CNTFR: variants seen among roughly 807,000 people sequenced by gnomAD.
CNTFR encodes the protein ciliary neurotrophic factor receptor subunit alpha.
CNTFR carries 12 observed loss-of-function variants against 40.4 expected under a neutral mutation model. The ratio of observed to expected loss-of-function variants is 0.30; its 90% CI spans 0.19 to 0.48. CNTFR has a LOEUF of 0.48. Ranked by LOEUF, CNTFR falls within the 20% of genes least tolerant of loss-of-function variation. CNTFR has a pLI of 0.99. For synonymous variants in CNTFR, 202 were observed against 209.6 expected, an observed-to-expected ratio of 0.96 and a Z score of 0.31; for missense variants, 414 against 506.8, an observed-to-expected ratio of 0.82 and a Z score of 1.76.
At chr9:34,582,233 C>A (rs1827327827) in intron 1 of CNTFR, 1 of 149,132 alleles carries the variant, frequency 6.7e-6, no homozygotes, top group Non-Finnish European at 1.5e-5. Flanking sequence ...CAAGATTGAG[C>A]CACTGCACTC....
upstream of CNTFR, among the ~76,000 whole-genome samples, chr9:34,590,475 C>T (rs543359569): frequency 2.0e-5 from 3 of 152,310 alleles, no homozygotes; most frequent in African/African-American, 7.2e-5. Context: ...CCCCCCGCAA[C>T]GACTCCCCTC....
chr9:34,568,978 C>T lies in CNTFR; in HGVS notation c.4G>A (p.Ala2Thr). Reference protein sequence around the residue: MAAPVPWACCAV... With the variant: MTAPVPWACCAV... ...CAGCAGGCCCACGGGACAGGAGCAG[C>T]CATCTGTTGGGAGAAACCGGGGTGG... The change falls in exon 3 of 10, where the codon GCT becomes ACT. Residue 2 changes from alanine to threonine, a missense_variant. Ala to Thr is a moderately conservative substitution (Grantham distance 58). Coordinates refer to ENST00000378980, the MANE Select transcript of CNTFR (RefSeq NM_147164.3). 1 of 1,592,188 alleles carries T rather than the reference C, an allele frequency of 6.3e-7. No homozygotes were observed. Among genetic ancestry groups the T allele is most frequent in the Non-Finnish European group, 8.5e-7 (1 of 1,169,628 alleles).
At chr9:34,569,706 T>C (rs1826492856) in intron 2 of CNTFR, 1 of 152,260 alleles carries the variant, frequency 6.6e-6, no homozygotes, top group East Asian at 1.9e-4. Flanking sequence ...TTTTCCGTAA[T>C]TGTACACCAA....
intron 1 of CNTFR, among the ~76,000 whole-genome samples, chr9:34,588,121 G>A (rs1827618164): frequency 6.6e-6 from 1 of 151,648 alleles, no homozygotes; most frequent in African/African-American, 2.4e-5. Context: ...TGGAGTATCA[G>A]CCCTGACAGT....
Position 34,551,782 on chromosome 9 carries a change from G to A in CNTFR, c.*289C>T. ...CCTCACGTCCCCCAAGGGCTCCTGG[G>A]AGTCGCTGGCATTGGAGGGTCCAGC... On this transcript the variant is annotated 3_prime_UTR_variant, in exon 10 of 10. Coordinates refer to ENST00000378980, the MANE Select transcript of CNTFR (RefSeq NM_147164.3). 1.7e-6 allele frequency: 1 copy of A among 590,406 alleles called. No homozygotes were observed. The highest frequency in any genetic ancestry group is 3.0e-6 in the Non-Finnish European group (1 of 331,006). The allele number at this position is 590,406 out of a possible 1,614,324, so 36.6% of individuals were successfully genotyped here.
rs1451210352 is a variant in CNTFR, at chr9:34,551,751, G to A, written c.*320C>T. On this transcript the variant is annotated 3_prime_UTR_variant, in exon 10 of 10. Transcript: ENST00000378980. ...GCAGGAGGAGAAATCGGATGTGAGA[G>A]GCTCCCCTCACGTCCCCCAAGGGCT... 3.6e-6 allele frequency: 2 copies of A among 552,624 alleles called. No homozygotes were observed. Among genetic ancestry groups the A allele is most frequent in the African/African-American group, 3.8e-5 (2 of 52,672 alleles). The allele number at this position is 552,624 out of a possible 1,614,324, so 34.2% of individuals were successfully genotyped here. A position where few individuals can be genotyped will look rare whatever the true frequency, so the allele number is the denominator to read the frequency against.
chr9:34,573,122 G>A (rs1346105595), intron 2 of CNTFR, among the ~76,000 whole-genome samples: 1 of 128,390 alleles, frequency 7.8e-6, no homozygotes, highest in Admixed American at 8.3e-5. Context: ...CCCAAGAACC[G>A]TCTTGCCAGT....
At position 34,564,848 on chromosome 9, in the gene CNTFR, G is replaced by C. The variant is rs2296940; in HGVS notation, c.86-16C>G. On this transcript the variant is annotated splice_polypyrimidine_tract_variant and intron_variant, in intron 3 of 9. Transcript: ENST00000378980. The stretch of plus-strand genomic sequence containing the variant: ...TGGGGTGCCTCTGTGGGGGGTGGGG[G>C]CACAGGGCAAAAGTCACAGGTCACA... The C allele has an allele frequency of 8.1e-6, 13 of 1,608,928 alleles. No homozygotes were observed. The African/African-American group carries it at 1.6e-4, about 20-fold the overall frequency.
chr9:34,574,059 T>TGTGGGAGGC (rs1463973329), intron 2 of CNTFR, among the ~76,000 whole-genome samples: 1 of 145,240 alleles, frequency 6.9e-6, no homozygotes, highest in African/African-American at 2.6e-5. Context: ...GGCCCCCAGA[T>TGTGGGAGGC]CCCACCAGGC....
chr9:34,561,111 A>C (rs533686337), intron 4 of CNTFR, among the ~76,000 whole-genome samples: 1 of 152,234 alleles, frequency 6.6e-6, no homozygotes, highest in African/African-American at 2.4e-5. Context: ...CTCAAGGCTC[A>C]GGCCTGGCTC....
chr9:34,585,372 T>G (rs1827495836), intron 1 of CNTFR, among the ~76,000 whole-genome samples: 1 of 152,160 alleles, frequency 6.6e-6, no homozygotes, highest in South Asian at 2.1e-4. Flanking sequence ...TAAGGACTCT[T>G]CAGTTTGCTC....
chr9:34,574,094 G>A (rs946714149), intron 2 of CNTFR, among the ~76,000 whole-genome samples: 9 of 152,092 alleles, frequency 5.9e-5, no homozygotes, highest in African/African-American at 1.4e-4. Flanking sequence ...CAGCGTGGGC[G>A]GTGGGGGCGG....
At chr9:34,575,228 C>T (rs1411631411) in intron 2 of CNTFR, among the ~76,000 whole-genome samples, 1 of 152,186 alleles carries the variant, frequency 6.6e-6, no homozygotes, top group Non-Finnish European at 1.5e-5. Flanking sequence ...AACCCCAGTC[C>T]AGTCTCTTCT....
chr9:34,586,137 C>A (rs1827535151), intron 1 of CNTFR, among the ~76,000 whole-genome samples: 1 of 152,172 alleles, frequency 6.6e-6, no homozygotes, highest in African/African-American at 2.4e-5. Context: ...TTCATAGCAG[C>A]AGAGCACGCA....
rs1024639831 is a variant in CNTFR at position 34,564,772 on chromosome 9, G to T, written c.146C>A (p.Ala49Glu). ...GSDVTLPCGT[A>E]NWDAAVTWRV... ...CCACGTCACCGCAGCATCCCAGTTTGCTGTCCCACATGGCAGTGTCACGTC... is the reference window on the plus strand; with the variant it reads ...CCACGTCACCGCAGCATCCCAGTTTTCTGTCCCACATGGCAGTGTCACGTC... The change falls in exon 4 of 10, where the codon GCA becomes GAA. Residue 49 changes from alanine to glutamate, a missense_variant. Physicochemically the swap from Ala to Glu is moderately radical, Grantham distance 107. Around this residue, in one of 3 missense-constraint regions of CNTFR, gnomAD observed 250 missense variants for 269.5 expected, o/e 0.93. Coordinates refer to ENST00000378980, the MANE Select transcript of CNTFR (RefSeq NM_147164.3). The T allele has an allele frequency of 7.4e-6, 12 of 1,614,078 alleles. No homozygotes were observed. Among genetic ancestry groups the T allele is most frequent in the Non-Finnish European group, 1.0e-5 (12 of 1,180,026 alleles).
intron 1 of CNTFR, among the ~76,000 whole-genome samples, chr9:34,588,945 C>T (rs1253379776): frequency 6.6e-6 from 1 of 152,148 alleles, no homozygotes; most frequent in Admixed American, 6.5e-5. Flanking sequence ...TAGGCAGACT[C>T]GCACAAGCCA....
intron 1 of CNTFR, among the ~76,000 whole-genome samples, chr9:34,587,991 C>G (rs893579892): frequency 3.9e-5 from 6 of 152,178 alleles, no homozygotes; most frequent in Non-Finnish European, 7.4e-5. Context: ...ATGTAAGCCC[C>G]TAGACCCTAG....
rs199588359 is a variant in CNTFR, at chr9:34,552,193, G to A, written c.1086C>T (p.Ala362=). Residue 362 remains alanine, a synonymous_variant, in exon 9 of 10, where the codon GCC becomes GCT. Transcript: ENST00000378980. This position sits in a 1 kb window ranked among gnomAD's most constrained non-coding sequence, Gnocchi z 5.1. ...AGAGACTGCTGGCAGTGGCGGCAGC[G>A]GCAGCCAGGGCCAGAGTGATGGGGA... The part of the protein sequence containing the change: ...VSVPITLALA[A]AAATASSLLI The A allele has an allele frequency of 2.0e-5, 32 of 1,591,218 alleles. No individual in the cohort carries two copies. The highest frequency in any genetic ancestry group is 2.6e-5 in the Non-Finnish European group (30 of 1,169,358).
At chr9:34,556,213 C>G in intron 7 of CNTFR, 42 bp downstream of exon 7, 1 of 1,589,354 alleles carries the variant, frequency 6.3e-7, no homozygotes, top group African/African-American at 1.3e-5. Flanking sequence ...GCACATGATT[C>G]TAACTCAGGC....
Sources: gnomAD v4.1 joint callset for allele counts (sites outside exome capture counted in the v4.1 genomes callset) on GRCh38, gnomAD v4.1.1 for gene constraint, gnomAD v4.1.1 regional missense constraint, Gnocchi (gnomAD v3.1) non-coding constraint, MANE v1.5 for transcripts, NCBI Gene and HGNC (gene_info 2026-07-23, HGNC 2026-07-21) for gene names.